Variants in EFL1 observed in about 807,000 individuals in gnomAD.
The protein encoded by EFL1 is elongation factor like GTPase 1.
Under a neutral mutation model 126.7 loss-of-function variants are expected in EFL1, and 76 were observed. That is an observed-to-expected ratio of 0.60 (90% confidence interval 0.50 to 0.73). The LOEUF is 0.73. Among genes scored for constraint, EFL1 ranks in the 30% least tolerant of loss-of-function variants. EFL1 has a pLI of 0.00. For missense variants in EFL1, 1,128 were observed against 1,343.2 expected (o/e 0.84, Z 2.50); for synonymous variants, 410 against 448.4 (o/e 0.91, Z 1.08).
intron 18 of EFL1, among the ~76,000 whole-genome samples, chr15:82,143,110 G>T (rs2073806380): frequency 6.6e-6 from 1 of 152,054 alleles, no homozygotes; most frequent in African/African-American, 2.4e-5. Flanking sequence ...GGGAATAGTT[G>T]TCCACAGCAA....
At chr15:82,162,759 T>C (rs561728710) in intron 16 of EFL1, among the ~76,000 whole-genome samples, 95 of 152,304 alleles carry the variant, frequency 6.2e-4, no homozygotes, top group Non-Finnish European at 1.1e-3. Flanking sequence ...GGATCCTTAA[T>C]GGCTAGGGGT....
chr15:82,148,834 T>C (rs1248545996), intron 18 of EFL1, among the ~76,000 whole-genome samples: 4 of 152,196 alleles, frequency 2.6e-5, no homozygotes, highest in African/African-American at 7.2e-5. Context: ...GTTCCATAAA[T>C]TGCAGACTAG....
intron 2 of EFL1, 66 bp downstream of exon 2, chr15:82,261,622 C>T: frequency 1.4e-6 from 2 of 1,450,564 alleles, no homozygotes; most frequent in Non-Finnish European, 1.9e-6. Context: ...AGCTTCACTC[C>T]ACTGAGACAT....
chr15:82,235,216 G>A (rs2074860834), intron 7 of EFL1, among the ~76,000 whole-genome samples: 3 of 152,170 alleles, frequency 2.0e-5, no homozygotes, highest in African/African-American at 7.2e-5. Context: ...ATAATAGATA[G>A]TAATATCTGT....
intron 7 of EFL1, among the ~76,000 whole-genome samples, chr15:82,235,472 C>T (rs950965427): frequency 6.6e-6 from 1 of 151,782 alleles, no homozygotes; most frequent in Non-Finnish European, 1.5e-5. Flanking sequence ...TGAATTTACT[C>T]AAGAATAAAG....
chr15:82,252,906 G>A (rs1010978907), intron 3 of EFL1, 131 bp from the exon 4 acceptor site: 1 of 696,776 alleles, frequency 1.4e-6, no homozygotes, highest in African/African-American at 1.8e-5. Context: ...TGTAGAGACA[G>A]GGTCTTGCTA....
At chr15:82,206,048 G>T (rs1265140565) in intron 15 of EFL1, among the ~76,000 whole-genome samples, 3 of 152,152 alleles carry the variant, frequency 2.0e-5, no homozygotes, top group Non-Finnish European at 4.4e-5. Context: ...GAAATCAGTG[G>T]CTTGTCACAT....
intron 15 of EFL1, among the ~76,000 whole-genome samples, chr15:82,206,297 T>A (rs2074524301): frequency 6.6e-6 from 1 of 152,080 alleles, no homozygotes; most frequent in South Asian, 2.1e-4. Flanking sequence ...CATAATATAT[T>A]AGAAGAATTG....
At chr15:82,236,164 T>A (rs2074870838) in intron 7 of EFL1, among the ~76,000 whole-genome samples, 2 of 152,108 alleles carry the variant, frequency 1.3e-5, no homozygotes, top group African/African-American at 4.8e-5. Flanking sequence ...AAAGAATTTT[T>A]AAAAATTTTA....
At chr15:82,132,354 A>G (rs890047805) in intron 19 of EFL1, among the ~76,000 whole-genome samples, 1 of 152,114 alleles carries the variant, frequency 6.6e-6, no homozygotes, top group African/African-American at 2.4e-5. Flanking sequence ...TCAGAGTGCT[A>G]AGGAGCCTCA....
intron 4 of EFL1, among the ~76,000 whole-genome samples, chr15:82,246,118 C>A (rs1238165502): frequency 4.6e-5 from 7 of 152,070 alleles, no homozygotes; most frequent in African/African-American, 1.7e-4. Context: ...TTTGGCCTCA[C>A]CCGCTTTTGG....
At chr15:82,161,176 T>G (rs968405297) in intron 16 of EFL1, among the ~76,000 whole-genome samples, 7 of 132,586 alleles carry the variant, frequency 5.3e-5, no homozygotes, top group African/African-American at 2.0e-4. Flanking sequence ...TTAATCTAGT[T>G]GTCACAATAA....
At chr15:82,147,863 G>C (rs2073865466) in intron 18 of EFL1, among the ~76,000 whole-genome samples, 1 of 151,802 alleles carries the variant, frequency 6.6e-6, no homozygotes, top group African/African-American at 2.4e-5. Context: ...AGGAAGAAGA[G>C]GATACCAACT....
chr15:82,186,009 C>G (rs1019645154), intron 15 of EFL1, among the ~76,000 whole-genome samples: 5 of 152,098 alleles, frequency 3.3e-5, no homozygotes, highest in East Asian at 1.9e-4. Context: ...ATTTACTTAT[C>G]AATTCTAGGG....
Position 82,143,522 on chromosome 15 carries a change from A to G in EFL1, c.2990-4680T>C, listed in dbSNP as rs569990353. Among the ~76,000 whole-genome samples the G allele has an allele frequency of 1.2e-4, 19 of 152,304 alleles. No individual in the cohort carries two copies. In the South Asian group the frequency reaches 3.7e-3, roughly 30 times the overall value. Reference sequence around the variant, plus strand: ...TATTCTTATACACCAGGTCACACTAACCTCTTCCTTTTGTCACAGAGCTAT... The same window carrying G: ...TATTCTTATACACCAGGTCACACTAGCCTCTTCCTTTTGTCACAGAGCTAT... On this transcript the variant is annotated intron_variant, in intron 18 of 19. Coordinates refer to ENST00000268206, the MANE Select transcript of EFL1 (RefSeq NM_024580.6).
At chr15:82,168,831 T>C (rs879673459) in intron 15 of EFL1, among the ~76,000 whole-genome samples, 7 of 152,210 alleles carry the variant, frequency 4.6e-5, no homozygotes, top group African/African-American at 1.2e-4. Flanking sequence ...TCAAGATCTG[T>C]GGGCCCTTTT....
chr15:82,194,722 C>A (rs2074392266), intron 15 of EFL1, among the ~76,000 whole-genome samples: 1 of 152,170 alleles, frequency 6.6e-6, no homozygotes, highest in Non-Finnish European at 1.5e-5. Flanking sequence ...TCCTCAGCAA[C>A]CCACGTTGTA....
At chr15:82,190,138 A>C (rs183377691) in intron 15 of EFL1, among the ~76,000 whole-genome samples, 1 of 151,096 alleles carries the variant, frequency 6.6e-6, no homozygotes, top group Admixed American at 6.6e-5. Context: ...AATTCATGTT[A>C]CTTTCCTTTG....
chr15:82,240,812 G>A (rs1277666866), intron 5 of EFL1, among the ~76,000 whole-genome samples: 1 of 152,212 alleles, frequency 6.6e-6, no homozygotes, highest in Admixed American at 6.5e-5. Flanking sequence ...CACTCTGGGA[G>A]GCTGAGGCAG....
Sources: allele counts gnomAD v4.1 joint callset (sites outside exome capture counted in the v4.1 genomes callset), GRCh38; gene constraint gnomAD v4.1.1; transcripts MANE v1.5; gene names NCBI Gene and HGNC (gene_info 2026-07-23, HGNC 2026-07-21).